The following CAP2 variants were observed in gnomAD, a reference collection of about 807,000 sequenced individuals.
The protein encoded by CAP2 is cyclase associated actin cytoskeleton regulatory protein 2.
CAP2 carries 24 observed loss-of-function variants against 57.7 expected under a neutral mutation model. The ratio of observed to expected loss-of-function variants is 0.42; its 90% CI spans 0.30 to 0.58. The LOEUF (loss-of-function observed/expected upper bound fraction) is 0.58. Among genes scored for constraint, CAP2 ranks in the 20% least tolerant of loss-of-function variants. The pLI, the probability that CAP2 is intolerant of heterozygous loss-of-function variation, is 0.22. For synonymous variants in CAP2, 194 were observed against 207.2 expected (o/e 0.94, Z 0.55); for missense variants, 501 against 590.3 (o/e 0.85, Z 1.57).
rs556584292 is a variant in CAP2, at chr6:17,552,610, C to T, written c.1350+1006C>T. On this transcript the variant is annotated intron_variant, in intron 12 of 12. Coordinates refer to ENST00000229922, the MANE Select transcript of CAP2 (RefSeq NM_006366.3). ...TTGTGCCATTGCATTCCAGCCGGGGCGACAGAGTGAGACTCAGTCACAAAC... is the reference window on the plus strand; with the variant it reads ...TTGTGCCATTGCATTCCAGCCGGGGTGACAGAGTGAGACTCAGTCACAAAC... 3.3e-5 allele frequency among the ~76,000 whole-genome samples: 5 copies of T among 152,230 alleles called. No homozygotes were observed. In the East Asian group the frequency reaches 9.6e-4, roughly 29 times the overall value.
chr6:17,534,925 C>G (rs369843063), intron 7 of CAP2, among the ~76,000 whole-genome samples: 11 of 152,112 alleles, frequency 7.2e-5, no homozygotes, highest in African/African-American at 2.2e-4. Flanking sequence ...ACATGTACCC[C>G]CCTACTGCAA....
chr6:17,421,574 C>G lies in CAP2; in HGVS notation c.19C>G (p.Leu7Val). Residue 7 changes from leucine to valine, a missense_variant, in exon 2 of 13, where the codon CTG (leucine) becomes GTG (valine). Physicochemically the swap from Leu to Val is conservative, Grantham distance 32. Transcript: ENST00000229922. ...TTCTAGAATGGCCAACATGCAGGGACTGGTGGAAAGACTGGAACGAGCTGT... is the reference window on the plus strand; with the variant it reads ...TTCTAGAATGGCCAACATGCAGGGAGTGGTGGAAAGACTGGAACGAGCTGT... Reference protein sequence around the residue: MANMQGLVERLERAVSR... With the variant: MANMQGVVERLERAVSR... 7 of 1,614,170 alleles carry G rather than the reference C, an allele frequency of 4.3e-6. No individual in the cohort carries two copies. The highest frequency in any genetic ancestry group is 5.1e-6 in the Non-Finnish European group (6 of 1,180,010).
At chr6:17,432,025 T>C (rs1364947889) in intron 3 of CAP2, among the ~76,000 whole-genome samples, 1 of 152,112 alleles carries the variant, frequency 6.6e-6, no homozygotes, top group Non-Finnish European at 1.5e-5. Context: ...GTGGTATAGA[T>C]GAACATCAGC....
rs567890402 is a variant in CAP2, at chr6:17,540,613, G to A, written c.827-360G>A. On this transcript the variant is annotated intron_variant, in intron 8 of 12. Coordinates refer to ENST00000229922, the MANE Select transcript of CAP2 (RefSeq NM_006366.3). ...CTAAAAATACAAAAATTAGCTAAGC[G>A]TGTGGTGGTGCATGCCTGTAATCCC... Among the ~76,000 whole-genome samples the A allele has an allele frequency of 5.3e-4, 81 of 152,218 alleles. 1 individual carries two copies. The South Asian group carries it at 0.015, about 29-fold the overall frequency.
intron 3 of CAP2, among the ~76,000 whole-genome samples, chr6:17,430,555 T>C (rs1404980215): frequency 5.3e-5 from 8 of 151,528 alleles, no homozygotes; most frequent in Non-Finnish European, 1.0e-4. Context: ...TTTTTTTTTT[T>C]CGAGACAGAG....
At chr6:17,496,334 G>T (rs1220809086) in intron 4 of CAP2, among the ~76,000 whole-genome samples, 1 of 152,142 alleles carries the variant, frequency 6.6e-6, no homozygotes, top group African/African-American at 2.4e-5. Context: ...TTAGTATCTT[G>T]TTCAGTATTC....
Position 17,496,030 on chromosome 6 carries a change from G to GGGGC in CAP2, c.301-11136_301-11135insCGGG, listed in dbSNP as rs1561804637. ...CTGCTGTGCATGCGTGTGTGGGTGGGGGGGGGGGGTAAGTCAGGGAAAACA... is the reference window on the plus strand; with the variant it reads ...CTGCTGTGCATGCGTGTGTGGGTGGGGGGCGGGGGGGGGTAAGTCAGGGAAAACA... On this transcript the variant is annotated intron_variant, in intron 4 of 12. Transcript: ENST00000229922. Among the ~76,000 whole-genome samples the GGGGC allele has an allele frequency of 3.8e-3, 158 of 41,208 alleles. 7 individuals carry two copies. The highest frequency in any genetic ancestry group is 0.016 in the South Asian group (15 of 940). 27.0% of individuals were successfully genotyped at this position (41,208 alleles called of 152,430 possible). A position where few individuals can be genotyped will look rare whatever the true frequency, so the allele number is the denominator to read the frequency against.
chr6:17,400,357 G>T (rs1377574365), intron 1 of CAP2, among the ~76,000 whole-genome samples: 1 of 152,170 alleles, frequency 6.6e-6, no homozygotes. Flanking sequence ...GAGATCCAGA[G>T]AAATTCTGGG....
intron 1 of CAP2, among the ~76,000 whole-genome samples, chr6:17,400,733 CA>C (rs1758788916): frequency 6.6e-6 from 1 of 151,906 alleles, no homozygotes; most frequent in Non-Finnish European, 1.5e-5. Flanking sequence ...GGCGTGGTGG[CA>C]GGTGCCTGTA....
Position 17,547,804 on chromosome 6 carries a change from G to A in CAP2, c.1210-3660G>A, listed in dbSNP as rs189154156. On this transcript the variant is annotated intron_variant, in intron 11 of 12. Coordinates refer to ENST00000229922, the MANE Select transcript of CAP2 (RefSeq NM_006366.3). ...TGCAGTGAGCTGAGATCGCGCCACT[G>A]CACTTCAGCCTGGGCAACAGAGTGA... is the stretch of plus-strand genomic sequence containing the variant. Among the ~76,000 whole-genome samples the A allele has an allele frequency of 3.8e-4, 56 of 148,036 alleles. No homozygotes were observed. In the East Asian group the frequency reaches 7.9e-3, roughly 21 times the overall value.
At chr6:17,450,389 T>G (rs1234949220) in intron 3 of CAP2, among the ~76,000 whole-genome samples, 2 of 152,180 alleles carry the variant, frequency 1.3e-5, no homozygotes, top group Non-Finnish European at 2.9e-5. Context: ...CCAAGAAATT[T>G]GTTTAAATTG....
chr6:17,425,573 C>A (rs762415133), intron 2 of CAP2, among the ~76,000 whole-genome samples: 1 of 152,162 alleles, frequency 6.6e-6, no homozygotes, highest in Non-Finnish European at 1.5e-5. Flanking sequence ...AGAAGGGCCA[C>A]TGGCTTTGGA....
At chr6:17,515,972 T>C (rs539884442) in intron 7 of CAP2, among the ~76,000 whole-genome samples, 13 of 150,278 alleles carry the variant, frequency 8.7e-5, no homozygotes, top group African/African-American at 2.7e-4. Context: ...ATGAAATTGA[T>C]GTTGTTTCAA....
At position 17,513,981 on chromosome 6, in the gene CAP2, T is replaced by C; in HGVS notation, c.636+27T>C. ...TGAGTACGAGGCCTTCCTCCACGTG[T>C]GTAAAAAAAGGCCATGACTATATAT... On this transcript the variant is annotated intron_variant, in intron 7 of 12. Coordinates refer to ENST00000229922, the MANE Select transcript of CAP2 (RefSeq NM_006366.3). The surrounding 1 kb of genome is among the most constrained non-coding windows in gnomAD (Gnocchi z 4.3). 1 of 1,409,062 alleles carries C rather than the reference T, an allele frequency of 7.1e-7. No homozygotes were observed. 87.3% of individuals were successfully genotyped at this position (1,409,062 alleles called of 1,614,324 possible).
chr6:17,421,366 G>T (rs1032349968), intron 1 of CAP2, among the ~76,000 whole-genome samples, 189 bp from the exon 2 acceptor site: 2 of 152,048 alleles, frequency 1.3e-5, no homozygotes, highest in Admixed American at 6.6e-5. Flanking sequence ...AAAACCACTT[G>T]TACCCACCCC....
At chr6:17,450,055 CTTTTTTT>C (rs560454962) in intron 3 of CAP2, among the ~76,000 whole-genome samples, 1 of 144,400 alleles carries the variant, frequency 6.9e-6, no homozygotes, top group Non-Finnish European at 1.5e-5. Context: ...TCAGTTCTAC[CTTTTTTT>C]TTTTTTTAAG....
chr6:17,409,562 G>A (rs7762553), intron 1 of CAP2, among the ~76,000 whole-genome samples: 17,112 of 152,082 alleles, frequency 0.11, 3,069 homozygotes, highest in African/African-American at 0.38. Context: ...TAGTTGCAAA[G>A]TTCACTTCAT....
chr6:17,442,517 CTGAT>C (rs1760114201), intron 3 of CAP2, among the ~76,000 whole-genome samples: 1 of 152,136 alleles, frequency 6.6e-6, no homozygotes, highest in South Asian at 2.1e-4. Context: ...TGGGAAAAAA[CTGAT>C]TGAGTCTCAC....
rs558633021 is a variant in CAP2, at chr6:17,470,502, T to C, written c.300+7429T>C. 2.6e-5 allele frequency among the ~76,000 whole-genome samples: 4 copies of C among 152,308 alleles called. No homozygotes were observed. The South Asian group carries it at 8.3e-4, about 32-fold the overall frequency. On this transcript the variant is annotated intron_variant, in intron 4 of 12. Transcript: ENST00000229922. ...TGTTCACATAAGGTCTGCTCCAGTG[T>C]TTTTGGTTGCCATTCTTCCACATGG...
Sources: gnomAD v4.1 joint callset for allele counts (sites outside exome capture counted in the v4.1 genomes callset) on GRCh38, gnomAD v4.1.1 for gene constraint, Gnocchi (gnomAD v3.1) non-coding constraint, MANE v1.5 for transcripts, NCBI Gene and HGNC (gene_info 2026-07-23, HGNC 2026-07-21) for gene names.